Variants in ATP13A1 observed in about 807,000 individuals in gnomAD.
The protein encoded by ATP13A1 is ATPase 13A1, also known as endoplasmic reticulum transmembrane helix translocase.
In ATP13A1, 55 loss-of-function variants were observed where a neutral mutation model predicts 134.8. That is an observed-to-expected ratio of 0.41 (90% CI 0.33 to 0.51). The LOEUF (loss-of-function observed/expected upper bound fraction) is 0.51. Ranked by LOEUF, ATP13A1 falls within the 20% of genes least tolerant of loss-of-function variation. ATP13A1 has a pLI of 0.29. For missense variants in ATP13A1, 1,389 were observed against 1,652.8 expected (o/e 0.84, Z 2.77); for synonymous variants, 775 against 725.1 (o/e 1.07, Z -1.10).
chr19:19,652,955 C>A, intron 15 of ATP13A1: 3 of 548,246 alleles, frequency 5.5e-6, no homozygotes, highest in Middle Eastern at 4.9e-4. Context: ...GCTCTATGTC[C>A]TGCTTGCGGA....
Position 19,645,346 on chromosome 19 carries a change from G to A in ATP13A1, c.*76C>T, listed in dbSNP as rs954722499. ...CCTTGCTGTGGGGGGTTGGGGGCAG[G>A]GTTCCCTCCCGGGGCCCTGTTGGGG... On this transcript the variant is annotated 3_prime_UTR_variant, in exon 26 of 26. Transcript: ENST00000357324. The surrounding 1 kb of genome is among the most constrained non-coding windows in gnomAD (Gnocchi z 4.1). 5.7e-5 allele frequency: 84 copies of A among 1,471,402 alleles called. No individual in the cohort carries two copies. In the Admixed American group the frequency reaches 1.1e-3, roughly 19 times the overall value. The allele number at this position is 1,471,402 out of a possible 1,614,324, so 91.1% of individuals were successfully genotyped here.
chr19:19,646,059 C>T, intron 23 of ATP13A1, 74 bp from the exon 24 acceptor site: 1 of 1,597,876 alleles, frequency 6.3e-7, no homozygotes, highest in South Asian at 1.1e-5. Context: ...TCCTGCTGCC[C>T]TGGCACAGAG....
At position 19,653,730 on chromosome 19, in the gene ATP13A1, G is replaced by T; in HGVS notation, c.2100+54C>A. On this transcript the variant is annotated intron_variant, in intron 15 of 25. Coordinates refer to ENST00000357324, the MANE Select transcript of ATP13A1 (RefSeq NM_020410.3). The surrounding 1 kb of genome is among the most constrained non-coding windows in gnomAD (Gnocchi z 4.2). ...TGTGGGACACAGGAGGTGACTCAGG[G>T]AGGAGCTGACGGGCCAGGCACATGG... 6.9e-7 allele frequency: 1 copy of T among 1,447,630 alleles called. No homozygotes were observed. 89.7% of individuals were successfully genotyped at this position (1,447,630 alleles called of 1,614,324 possible).
Position 19,647,310 on chromosome 19 carries a change from T to C in ATP13A1, c.2924A>G (p.Lys975Arg), listed in dbSNP as rs768912375. ...SSIQCICHVI[K>R]QGRCTLVTTL... ...GGTCACCAGCGTGCAGCGGCCCTGC[T>C]TGATCACGTGGCAGACTGCAGGGTG... is the stretch of plus-strand genomic sequence containing the variant. The change falls in exon 22 of 26, where the codon AAG (lysine) becomes AGG (arginine). Residue 975 changes from lysine to arginine, a missense_variant. Lys to Arg is a conservative substitution (Grantham distance 26). Coordinates refer to ENST00000357324, the MANE Select transcript of ATP13A1 (RefSeq NM_020410.3). This position sits in a 1 kb window ranked among gnomAD's most constrained non-coding sequence, Gnocchi z 4.8. 6.8e-6 allele frequency: 11 copies of C among 1,612,908 alleles called. No individual in the cohort carries two copies. The highest frequency in any genetic ancestry group is 8.5e-6 in the Non-Finnish European group (10 of 1,179,614).
chr19:19,658,149 C>CA (rs61328844), intron 3 of ATP13A1, among the ~76,000 whole-genome samples: 3,946 of 62,940 alleles, frequency 0.063, 18 homozygotes, highest in East Asian at 0.11. Flanking sequence ...ACCCTGTCTC[C>CA]AAAAAAAAAA....
rs112455482 is a variant in ATP13A1, at chr19:19,661,080, AAAACAAAC to A, written c.397-1101_397-1094del. On this transcript the variant is annotated intron_variant, in intron 1 of 25. Coordinates refer to ENST00000357324, the MANE Select transcript of ATP13A1 (RefSeq NM_020410.3). ...GGCAACAGAGCCAGACTCCATCTCAAAAACAAACAAACAAACAAACAAAAAAACCCCAA... is the reference window on the plus strand; with the variant it reads ...GGCAACAGAGCCAGACTCCATCTCAAAAACAAACAAACAAAAAAACCCCAA... 4.0e-5 allele frequency among the ~76,000 whole-genome samples: 6 copies of A among 151,460 alleles called. No homozygotes were observed. The South Asian group carries it at 6.3e-4, about 16-fold the overall frequency.
Position 19,653,868 on chromosome 19 carries a change from G to A in ATP13A1, c.2016C>T (p.His672=). 6.4e-7 allele frequency: 1 copy of A among 1,567,506 alleles called. No individual in the cohort carries two copies. The highest frequency in any genetic ancestry group is 8.6e-7 in the Non-Finnish European group (1 of 1,156,886). Residue 672 remains histidine, a synonymous_variant, in exon 15 of 26, where the codon CAC becomes CAT. Transcript: ENST00000357324. This position sits in a 1 kb window ranked among gnomAD's most constrained non-coding sequence, Gnocchi z 4.2. ...CCCGGGAGATCTCGGTGTGGATGTG[G>A]TGGTAGTCGGGCGGGCACTGGGAGA... is the stretch of plus-strand genomic sequence containing the variant. ...SMFSQCPPDY[H]HIHTEISREG...
intron 16 of ATP13A1, 42 bp downstream of exon 16, chr19:19,652,553 C>A: frequency 1.3e-6 from 2 of 1,586,372 alleles, no homozygotes; most frequent in Non-Finnish European, 1.7e-6. Flanking sequence ...CTCCTCGCCT[C>A]TATTTCCCAT....
At position 19,647,093 on chromosome 19, in the gene ATP13A1, A is replaced by G. The variant is rs1408472449; in HGVS notation, c.3105+36T>C. On this transcript the variant is annotated intron_variant, in intron 22 of 25. Coordinates refer to ENST00000357324, the MANE Select transcript of ATP13A1 (RefSeq NM_020410.3). The surrounding 1 kb of genome is among the most constrained non-coding windows in gnomAD (Gnocchi z 4.8). ...ATATCAGCCTGGCCCTGGCAGGCCC[A>G]TGCATCCCTGGCCTTCCAGCACCTC... 6.3e-7 allele frequency: 1 copy of G among 1,582,620 alleles called. No homozygotes were observed. Among genetic ancestry groups the G allele is most frequent in the African/African-American group, 1.4e-5 (1 of 73,972 alleles).
chr19:19,653,975 G>A lies in ATP13A1; in HGVS notation c.1983C>T (p.His661=), dbSNP rs941190000. 2 of 1,594,782 alleles carry A rather than the reference G, an allele frequency of 1.3e-6. No individual in the cohort carries two copies. Among genetic ancestry groups the A allele is most frequent in the Non-Finnish European group, 1.7e-6 (2 of 1,171,210 alleles). Residue 661 remains histidine, a synonymous_variant, in exon 14 of 26, where the codon CAC becomes CAT. Coordinates refer to ENST00000357324, the MANE Select transcript of ATP13A1 (RefSeq NM_020410.3). This position sits in a 1 kb window ranked among gnomAD's most constrained non-coding sequence, Gnocchi z 4.2. The stretch of plus-strand genomic sequence containing the variant: ...CAGGCTGGGGCCAGCTCACCATGGA[G>A]TGCAGAGTTTCGGGGGCCCCCTTCA... ...AAVKGAPETL[H]SMFSQCPPDY...
chr19:19,651,921 A>G, intron 16 of ATP13A1, 124 bp from the exon 17 acceptor site: 1 of 725,288 alleles, frequency 1.4e-6, no homozygotes. Context: ...TCTAACCGAG[A>G]TGCTGAATGG....
In ATP13A1 at chr19:19,656,529, A is replaced by C; in HGVS notation, c.1083+131T>G. The C allele has an allele frequency of 9.8e-7, 1 of 1,021,554 alleles. No individual in the cohort carries two copies. Among genetic ancestry groups the C allele is most frequent in the South Asian group, 1.5e-5 (1 of 64,804 alleles). 63.3% of individuals were successfully genotyped at this position (1,021,554 alleles called of 1,614,324 possible). On this transcript the variant is annotated intron_variant, in intron 7 of 25. Transcript: ENST00000357324. The surrounding 1 kb of genome is among the most constrained non-coding windows in gnomAD (Gnocchi z 4.6). Reference sequence around the variant, plus strand: ...CCCCCACCACCCGGCTCCCCAGTCCACAGAGCTCATCTGTGCCCACACTGC... The same window carrying C: ...CCCCCACCACCCGGCTCCCCAGTCCCCAGAGCTCATCTGTGCCCACACTGC...
In ATP13A1 at chr19:19,645,265, G is replaced by C; in HGVS notation, c.*157C>G. 1 of 709,604 alleles carries C rather than the reference G, an allele frequency of 1.4e-6. No individual in the cohort carries two copies. The highest frequency in any genetic ancestry group is 2.3e-6 in the Non-Finnish European group (1 of 437,814). 44.0% of individuals were successfully genotyped at this position (709,604 alleles called of 1,614,324 possible). On this transcript the variant is annotated 3_prime_UTR_variant, in exon 26 of 26. Transcript: ENST00000357324. The surrounding 1 kb of genome is among the most constrained non-coding windows in gnomAD (Gnocchi z 4.1). ...GCTTGGGGCTGGTTCTGCTGGCCAA[G>C]CCAGCGGATGGCTGTGGGGGTCCCA...
chr19:19,653,589 C>G lies in ATP13A1; in HGVS notation c.2100+195G>C. 1 of 610,746 alleles carries G rather than the reference C, an allele frequency of 1.6e-6. No homozygotes were observed. The highest frequency in any genetic ancestry group is 2.9e-6 in the Non-Finnish European group (1 of 348,164). The allele number at this position is 610,746 out of a possible 1,614,324, so 37.8% of individuals were successfully genotyped here. ...AAGCCCTGCGTGTGCTCTGCGTGAGCCAGGACTGGGTGGGTCCCCACAGCA... is the reference window on the plus strand; with the variant it reads ...AAGCCCTGCGTGTGCTCTGCGTGAGGCAGGACTGGGTGGGTCCCCACAGCA... On this transcript the variant is annotated intron_variant, in intron 15 of 25. Coordinates refer to ENST00000357324, the MANE Select transcript of ATP13A1 (RefSeq NM_020410.3). The surrounding 1 kb of genome is among the most constrained non-coding windows in gnomAD (Gnocchi z 4.2).
chr19:19,663,270 C>A lies in ATP13A1; in HGVS notation c.396+1G>T, dbSNP rs1266246592. 1 of 1,577,360 alleles carries A rather than the reference C, an allele frequency of 6.3e-7. No individual in the cohort carries two copies. The highest frequency in any genetic ancestry group is 8.6e-7 in the Non-Finnish European group (1 of 1,163,194). On this transcript the variant is annotated splice_donor_variant, in intron 1 of 25. Coordinates refer to ENST00000357324, the MANE Select transcript of ATP13A1 (RefSeq NM_020410.3). LOFTEE classifies it high-confidence loss of function. Reference sequence around the variant, plus strand: ...GGTCGGGCTCGCGTGTACACACTTACCGGGGTGCAGGTGAGCGCGCAATGC... The same window carrying A: ...GGTCGGGCTCGCGTGTACACACTTAACGGGGTGCAGGTGAGCGCGCAATGC...
intron 12 of ATP13A1, 42 bp from the exon 13 acceptor site, chr19:19,654,742 T>C (rs756054218): frequency 1.8e-5 from 28 of 1,574,696 alleles, no homozygotes; most frequent in Non-Finnish European, 2.4e-5. Flanking sequence ...TGCAGGCGGG[T>C]AGGGCGAAGC....
In ATP13A1 at chr19:19,655,260, A is replaced by G; in HGVS notation, c.1535-21T>C. 1 of 1,613,930 alleles carries G rather than the reference A, an allele frequency of 6.2e-7. No homozygotes were observed. Among genetic ancestry groups the G allele is most frequent in the East Asian group, 2.2e-5 (1 of 44,878 alleles). On this transcript the variant is annotated intron_variant, in intron 11 of 25. Transcript: ENST00000357324. This position sits in a 1 kb window ranked among gnomAD's most constrained non-coding sequence, Gnocchi z 5.7. ...CATGTCTAGGGGCGGGAGTGAGGTC[A>G]GGGGTCCTGCTTGGCCCCAGCCCAC...
At position 19,655,746 on chromosome 19, in the gene ATP13A1, G is replaced by A; in HGVS notation, c.1270-92C>T. ...TGGGCCTGGTCTTGGGGTGGCCTCTGCACCCTGGCCCAGGTCCAGGGCCGT... is the reference window on the plus strand; with the variant it reads ...TGGGCCTGGTCTTGGGGTGGCCTCTACACCCTGGCCCAGGTCCAGGGCCGT... On this transcript the variant is annotated intron_variant, in intron 9 of 25. Coordinates refer to ENST00000357324, the MANE Select transcript of ATP13A1 (RefSeq NM_020410.3). This position sits in a 1 kb window ranked among gnomAD's most constrained non-coding sequence, Gnocchi z 5.7. 1 of 1,542,846 alleles carries A rather than the reference G, an allele frequency of 6.5e-7. No individual in the cohort carries two copies.
intron 22 of ATP13A1, chr19:19,646,858 G>A (rs1481627065): frequency 3.9e-6 from 2 of 513,364 alleles, no homozygotes; most frequent in Non-Finnish European, 6.9e-6. Context: ...TTACCCTCTT[G>A]ATGATTGTTC....
Sources: gnomAD v4.1 joint callset for allele counts (sites outside exome capture counted in the v4.1 genomes callset) on GRCh38, gnomAD v4.1.1 for gene constraint, Gnocchi (gnomAD v3.1) non-coding constraint, MANE v1.5 for transcripts, NCBI Gene and HGNC (gene_info 2026-07-23, HGNC 2026-07-21) for gene names.